FGF12: variants seen among roughly 807,000 people sequenced by gnomAD.
FGF12 encodes the protein fibroblast growth factor 12B.
In FGF12, 14 loss-of-function variants were observed where a neutral mutation model predicts 23.6. That is an observed-to-expected ratio of 0.59 (90% CI 0.39 to 0.93). The LOEUF is 0.93. Ranked by LOEUF, FGF12 falls within the 40% of genes least tolerant of loss-of-function variation. The probability of loss-of-function intolerance (pLI) is 0.00; values close to 1 mark genes in which losing one functional copy is unlikely to be tolerated. For synonymous variants in FGF12, 62 were observed against 77.3 expected (o/e 0.80, Z 1.04); for missense variants, 175 against 217.8 (o/e 0.80, Z 1.24).
intron 2 of FGF12, among the ~76,000 whole-genome samples, chr3:192,617,849 T>G (rs1313479099): frequency 6.6e-6 from 1 of 152,028 alleles, no homozygotes; most frequent in Admixed American, 6.6e-5. Flanking sequence ...GAAACCCACA[T>G]GGTAGTTTAT....
At chr3:192,709,895 G>C (rs904303450) in intron 2 of FGF12, among the ~76,000 whole-genome samples, 12 of 152,160 alleles carry the variant, frequency 7.9e-5, no homozygotes, top group Admixed American at 7.9e-4. Flanking sequence ...GGTTCATGAG[G>C]TCAGTCTCTT....
rs532507165 is a variant in FGF12, at chr3:192,257,971, G to A, written c.228+77390C>T. On this transcript the variant is annotated intron_variant, in intron 4 of 5. Transcript: ENST00000445105. The stretch of plus-strand genomic sequence containing the variant: ...AATTCCAATCCTTACGGTACCCTGT[G>A]TGATTCAGAACCAGTGAAGCTTGCA... 1.3e-3 allele frequency among the ~76,000 whole-genome samples: 199 copies of A among 150,988 alleles called. 1 individual carries two copies. The highest frequency in any genetic ancestry group is 4.4e-3 in the African/African-American group (181 of 41,072).
Position 192,310,319 on chromosome 3 carries a change from G to C in FGF12, c.228+25042C>G, listed in dbSNP as rs187833248. Among the ~76,000 whole-genome samples the C allele has an allele frequency of 4.1e-3, 624 of 152,252 alleles. 3 individuals are homozygous for C. The highest frequency in any genetic ancestry group is 7.7e-3 in the Non-Finnish European group (521 of 67,992). On this transcript the variant is annotated intron_variant, in intron 4 of 5. Coordinates refer to ENST00000445105, the MANE Select transcript of FGF12 (RefSeq NM_004113.6). ...TTGATATCGTAGAGATGATCATTAA[G>C]TGATTTATCATAAAATGTATGAACT...
intron 2 of FGF12, 142 bp downstream of exon 2, chr3:192,727,039 A>G (rs1031685036): frequency 2.9e-6 from 3 of 1,026,596 alleles, no homozygotes; most frequent in African/African-American, 1.6e-5. Flanking sequence ...ACACTTCCCC[A>G]GTGCTGCAAT....
rs140075585 is a variant in FGF12 at position 192,464,714 on chromosome 3, G to A, written c.14-104176C>T. ...AGGATTGCTGGACCGAATGGCAGAA[G>A]TTTCCTTTGGGAGAAGGGGCTCTGC... On this transcript the variant is annotated intron_variant, in intron 2 of 5. Transcript: ENST00000445105. 3.5e-3 allele frequency among the ~76,000 whole-genome samples: 533 copies of A among 152,234 alleles called. 6 individuals are homozygous for A. Among genetic ancestry groups the A allele is most frequent in the African/African-American group, 0.012 (479 of 41,532 alleles).
intron 4 of FGF12, among the ~76,000 whole-genome samples, chr3:192,314,094 A>G (rs538403136): frequency 6.6e-6 from 1 of 152,256 alleles, no homozygotes; most frequent in East Asian, 1.9e-4. Context: ...GCAAACAGGA[A>G]GAGGGCCCTT....
chr3:192,469,688 G>A (rs1285949152), intron 2 of FGF12, among the ~76,000 whole-genome samples: 1 of 152,164 alleles, frequency 6.6e-6, no homozygotes, highest in Non-Finnish European at 1.5e-5. Context: ...AAAGGAATGT[G>A]TGTAATAACC....
chr3:192,649,137 T>C (rs1716116673), intron 2 of FGF12, among the ~76,000 whole-genome samples: 1 of 152,146 alleles, frequency 6.6e-6, no homozygotes, highest in South Asian at 2.1e-4. Context: ...AATACGCCTA[T>C]AAGTAGCCAT....
chr3:192,601,848 T>A (rs956494511), intron 2 of FGF12, among the ~76,000 whole-genome samples: 1 of 152,142 alleles, frequency 6.6e-6, no homozygotes, highest in Non-Finnish European at 1.5e-5. Context: ...ATAGTTGTTA[T>A]ACAATATTTT....
chr3:192,535,772 C>G (rs1357423287), intron 2 of FGF12, among the ~76,000 whole-genome samples: 1 of 152,184 alleles, frequency 6.6e-6, no homozygotes, highest in Non-Finnish European at 1.5e-5. Context: ...TCAAACCAAT[C>G]TTAGCTAGGT....
chr3:192,232,054 T>C (rs527455381), intron 4 of FGF12, among the ~76,000 whole-genome samples: 2 of 152,362 alleles, frequency 1.3e-5, no homozygotes, highest in South Asian at 2.1e-4. Context: ...AAGTGCTCCA[T>C]AATCCTTCCA....
intron 2 of FGF12, among the ~76,000 whole-genome samples, chr3:192,658,160 C>T (rs894767859): frequency 3.9e-5 from 6 of 152,166 alleles, no homozygotes; most frequent in African/African-American, 1.4e-4. Context: ...GGTAAATGTG[C>T]TACATAATCA....
At chr3:192,178,093 C>CT in intron 4 of FGF12, among the ~76,000 whole-genome samples, 1 of 152,252 alleles carries the variant, frequency 6.6e-6, no homozygotes, top group South Asian at 2.1e-4. Context: ...CTGTATATCT[C>CT]TAAGTTGTGA....
At chr3:192,604,596 TG>T (rs954027077) in intron 2 of FGF12, among the ~76,000 whole-genome samples, 15 of 152,126 alleles carry the variant, frequency 9.9e-5, no homozygotes, top group African/African-American at 3.4e-4. Flanking sequence ...GCTCACGGAC[TG>T]GAAGAATCAA....
At chr3:192,521,376 G>A (rs1724808122) in intron 2 of FGF12, 1 of 152,116 alleles carries the variant, frequency 6.6e-6, no homozygotes, top group Non-Finnish European at 1.5e-5. Flanking sequence ...ACACGAGCTC[G>A]TTAGCCATAA....
intron 4 of FGF12, among the ~76,000 whole-genome samples, chr3:192,219,571 C>T (rs1718370081): frequency 1.3e-5 from 2 of 150,346 alleles, no homozygotes; most frequent in South Asian, 2.3e-4. Context: ...CCTCATGCTA[C>T]AGTGAGCTGG....
intron 2 of FGF12, among the ~76,000 whole-genome samples, chr3:192,661,012 GA>G (rs1157640706): frequency 2.0e-5 from 3 of 151,746 alleles, no homozygotes; most frequent in South Asian, 4.1e-4. Flanking sequence ...TTAATATTAA[GA>G]AAAAAACTGG....
At chr3:192,604,025 T>G (rs2108633908) in intron 2 of FGF12, among the ~76,000 whole-genome samples, 1 of 152,244 alleles carries the variant, frequency 6.6e-6, no homozygotes, top group South Asian at 2.1e-4. Context: ...AATGAATTCC[T>G]TTCCCAGAGT....
intron 2 of FGF12, among the ~76,000 whole-genome samples, chr3:192,521,024 A>G (rs1016828176): frequency 2.0e-5 from 3 of 152,162 alleles, no homozygotes; most frequent in African/African-American, 4.8e-5. Flanking sequence ...CCTCCTAGAA[A>G]AAGAAATGCT....
Sources: allele counts gnomAD v4.1 joint callset (sites outside exome capture counted in the v4.1 genomes callset), GRCh38; gene constraint gnomAD v4.1.1; transcripts MANE v1.5; gene names NCBI Gene and HGNC (gene_info 2026-07-23, HGNC 2026-07-21).